The following SPATA13 variants were observed in gnomAD, a reference collection of about 807,000 sequenced individuals.
The protein encoded by SPATA13 is spermatogenesis associated 13, also known as spermatogenesis-associated protein 13.
SPATA13 carries 50 observed loss-of-function variants against 104.0 expected under a neutral mutation model. The observed-to-expected ratio is 0.48, with a 90% CI of 0.38 to 0.61. The LOEUF is 0.61. Ranked by LOEUF, SPATA13 falls within the 20% of genes least tolerant of loss-of-function variation. The pLI, the probability that SPATA13 is intolerant of heterozygous loss-of-function variation, is 0.00. For synonymous variants in SPATA13, 606 were observed against 667.5 expected (o/e 0.91, Z 1.42); for missense variants, 1,524 against 1,690.6 (o/e 0.90, Z 1.73).
At chr13:23,990,664 C>G (rs540210211) in intron 2 of SPATA13, among the ~76,000 whole-genome samples, 1 of 152,220 alleles carries the variant, frequency 6.6e-6, no homozygotes, top group East Asian at 1.9e-4. Flanking sequence ...CTATAATTGT[C>G]TACTTCCTTG....
At chr13:24,049,967 G>A (rs927942449) in intron 3 of SPATA13, among the ~76,000 whole-genome samples, 1 of 152,044 alleles carries the variant, frequency 6.6e-6, no homozygotes, top group South Asian at 2.1e-4. Context: ...CTGCCTCCCC[G>A]GTTCAAGCAA....
chr13:24,057,895 G>A (rs1009207532), intron 3 of SPATA13, among the ~76,000 whole-genome samples: 11 of 151,758 alleles, frequency 7.2e-5, no homozygotes, highest in African/African-American at 2.7e-4. Flanking sequence ...TCAGCAGCTG[G>A]TGTGGAAACT....
At chr13:24,120,551 G>T (rs1444334780) in intron 3 of SPATA13, among the ~76,000 whole-genome samples, 2 of 152,204 alleles carry the variant, frequency 1.3e-5, no homozygotes, top group Non-Finnish European at 2.9e-5. Flanking sequence ...CTCACTAGCT[G>T]CCTGGCCTTG....
At chr13:24,247,478 C>CCTTTTTTTTTTTTTTTT (rs1375500120) in intron 2 of SPATA13, among the ~76,000 whole-genome samples, 1 of 87,122 alleles carries the variant, frequency 1.1e-5, no homozygotes, top group African/African-American at 4.0e-5. Flanking sequence ...TCCACATTCA[C>CCTTTTTTTTTTTTTTTT]TTTTTTTTTT....
intron 3 of SPATA13, chr13:24,122,268 G>A (rs747201318): frequency 2.3e-5 from 31 of 1,338,610 alleles, no homozygotes; most frequent in East Asian, 6.9e-5. Context: ...ACAGGATTAC[G>A]ATTTTGAATA....
At chr13:24,105,108 C>G (rs1046537371) in intron 3 of SPATA13, among the ~76,000 whole-genome samples, 1 of 147,380 alleles carries the variant, frequency 6.8e-6, no homozygotes, top group Non-Finnish European at 1.5e-5. Flanking sequence ...TGGCTTCTTA[C>G]AATCGTTTTG....
intron 1 of SPATA13, among the ~76,000 whole-genome samples, chr13:24,181,632 A>C (rs561417764): frequency 1.3e-5 from 2 of 152,256 alleles, no homozygotes; most frequent in African/African-American, 4.8e-5. Flanking sequence ...TACCACCTCC[A>C]TCCACATCTT....
In SPATA13 at chr13:24,302,840, T is replaced by G. The variant is rs763624876; in HGVS notation, c.*67T>G. 6.2e-7 allele frequency: 1 copy of G among 1,603,554 alleles called. No homozygotes were observed. Among genetic ancestry groups the G allele is most frequent in the African/African-American group, 1.3e-5 (1 of 74,846 alleles). On this transcript the variant is annotated 3_prime_UTR_variant, in exon 13 of 13. Transcript: ENST00000382108. ...AGAACTGTCTTTGTTTCTTGTGTGC[T>G]TCAATCCAGGGAAAGTTTCTTGGAC...
intron 2 of SPATA13, among the ~76,000 whole-genome samples, chr13:24,007,268 G>C (rs561981495): frequency 6.6e-5 from 10 of 152,208 alleles, no homozygotes; most frequent in Non-Finnish European, 1.3e-4. Flanking sequence ...TCTGGTCAGA[G>C]GAAAGGCCAG....
In SPATA13 at chr13:24,282,551, A is replaced by G. The variant is rs1462482331; in HGVS notation, c.2165-1584A>G. ...GCAGGCATGAGCTTGGCCTCCCAACATGGATCTCAGTTCCTGATGCCATTT... is the reference window on the plus strand; with the variant it reads ...GCAGGCATGAGCTTGGCCTCCCAACGTGGATCTCAGTTCCTGATGCCATTT... On this transcript the variant is annotated intron_variant, in intron 4 of 12. Transcript: ENST00000382108. Among the ~76,000 whole-genome samples, 3 of 151,684 alleles carry G rather than the reference A, an allele frequency of 2.0e-5. No homozygotes were observed. In the Admixed American group the frequency reaches 2.0e-4, roughly 10 times the overall value.
At chr13:24,030,060 A>ATGCG (rs1252280588) in intron 3 of SPATA13, among the ~76,000 whole-genome samples, 14 of 143,536 alleles carry the variant, frequency 9.8e-5, no homozygotes, top group African/African-American at 3.3e-4. Context: ...ACACACACAC[A>ATGCG]CACACGCACA....
intron 3 of SPATA13, among the ~76,000 whole-genome samples, chr13:24,047,470 G>A (rs1284999578): frequency 6.6e-6 from 1 of 152,216 alleles, no homozygotes; most frequent in Middle Eastern, 3.2e-3. Context: ...TTCAGGAAGG[G>A]ACTGTTACCG....
chr13:24,261,014 A>G (rs1051455924), intron 4 of SPATA13, among the ~76,000 whole-genome samples: 2 of 152,222 alleles, frequency 1.3e-5, no homozygotes, highest in African/African-American at 2.4e-5. Flanking sequence ...GGTCAAGGCT[A>G]TAGCAGGATG....
chr13:24,222,877 C>CG lies in SPATA13; in HGVS notation c.-53_-52insG. 6.5e-7 allele frequency: 1 copy of CG among 1,545,808 alleles called. No homozygotes were observed. The highest frequency in any genetic ancestry group is 8.7e-7 in the Non-Finnish European group (1 of 1,143,366). On this transcript the variant is annotated 5_prime_UTR_variant, in exon 2 of 13. Coordinates refer to ENST00000382108, the MANE Select transcript of SPATA13 (RefSeq NM_001166271.3). Reference sequence around the variant, plus strand: ...AGGTGTGAGTGCCAGGACGGCATTCCTGGAGATGAAGGCCTGGAGCTGCGG... The same window carrying CG: ...AGGTGTGAGTGCCAGGACGGCATTCCGTGGAGATGAAGGCCTGGAGCTGCGG...
chr13:24,059,124 A>G (rs1310536534), intron 3 of SPATA13, among the ~76,000 whole-genome samples: 1 of 151,388 alleles, frequency 6.6e-6, no homozygotes, highest in Non-Finnish European at 1.5e-5. Flanking sequence ...GTCGCCCACC[A>G]CCATGTCCTG....
rs553244740 is a variant in SPATA13 at position 24,263,703 on chromosome 13, A to C, written c.2164+11841A>C. Among the ~76,000 whole-genome samples, 294 of 152,366 alleles carry C rather than the reference A, an allele frequency of 1.9e-3. 2 individuals carry two copies. Among genetic ancestry groups the C allele is most frequent in the African/African-American group, 6.7e-3 (278 of 41,588 alleles). On this transcript the variant is annotated intron_variant, in intron 4 of 12. Coordinates refer to ENST00000382108, the MANE Select transcript of SPATA13 (RefSeq NM_001166271.3). ...AAAAAAGTCTGTACATATTCAGTAC[A>C]GTCACAGTTTTTTAAATGTTTTCAA...
intron 3 of SPATA13, among the ~76,000 whole-genome samples, chr13:24,135,696 T>TGAA (rs1881540853): frequency 2.2e-5 from 1 of 45,922 alleles, no homozygotes; most frequent in Non-Finnish European, 4.1e-5. Context: ...AGAATCCGTC[T>TGAA]CAAAAAAAAA....
intron 3 of SPATA13, among the ~76,000 whole-genome samples, chr13:24,147,128 C>T (rs766038429): frequency 9.9e-5 from 15 of 152,006 alleles, no homozygotes; most frequent in Non-Finnish European, 1.8e-4. Context: ...TTTTTTCTTA[C>T]CATCAAGAAT....
At chr13:24,192,155 A>G (rs1281268820) in intron 1 of SPATA13, among the ~76,000 whole-genome samples, 1 of 152,114 alleles carries the variant, frequency 6.6e-6, no homozygotes, top group East Asian at 1.9e-4. Context: ...GGCCCTGGGC[A>G]GGTTGCCTCA....
Sources: gnomAD v4.1 joint callset for allele counts (sites outside exome capture counted in the v4.1 genomes callset) on GRCh38, gnomAD v4.1.1 for gene constraint, MANE v1.5 for transcripts, NCBI Gene and HGNC (gene_info 2026-07-23, HGNC 2026-07-21) for gene names.